The following DNM3 variants were observed in gnomAD, a reference collection of about 807,000 sequenced individuals.
DNM3 encodes dynamin 3.
In DNM3, 47 loss-of-function variants were observed where a neutral mutation model predicts 101.6. The observed-to-expected ratio is 0.46, with a 90% confidence interval of 0.37 to 0.59. The LOEUF (loss-of-function observed/expected upper bound fraction) is 0.59, where lower values mean the gene tolerates loss of function less well. DNM3 is among the 20% of genes least tolerant of loss of function. The pLI, the probability that DNM3 is intolerant of heterozygous loss-of-function variation, is 0.00. For synonymous variants in DNM3, 385 were observed against 387.9 expected (o/e 0.99, Z 0.09); for missense variants, 849 against 1,085.7 (o/e 0.78, Z 3.06).
At chr1:172,386,167 T>C (rs1196163056) in intron 18 of DNM3, among the ~76,000 whole-genome samples, 1 of 152,256 alleles carries the variant, frequency 6.6e-6, no homozygotes, top group Non-Finnish European at 1.5e-5. Context: ...ATTCTCACAT[T>C]CACTTCTTTT....
At chr1:171,908,298 G>C (rs1284816909) in intron 1 of DNM3, among the ~76,000 whole-genome samples, 1 of 147,994 alleles carries the variant, frequency 6.8e-6, no homozygotes, top group Non-Finnish European at 1.5e-5. Flanking sequence ...TGATTGAAAA[G>C]TCACTTATAC....
At chr1:172,176,367 C>A (rs2059154448) in intron 14 of DNM3, among the ~76,000 whole-genome samples, 1 of 151,700 alleles carries the variant, frequency 6.6e-6, no homozygotes, top group Non-Finnish European at 1.5e-5. Context: ...CTCTGCTGAC[C>A]CATTTTAGAC....
chr1:171,986,607 A>G (rs2045273393), intron 2 of DNM3, among the ~76,000 whole-genome samples: 1 of 150,978 alleles, frequency 6.6e-6, no homozygotes. Flanking sequence ...AATGGTAGTA[A>G]AGCTACCAAT....
At chr1:172,135,152 A>G (rs1572659911) in intron 14 of DNM3, among the ~76,000 whole-genome samples, 2 of 152,118 alleles carry the variant, frequency 1.3e-5, no homozygotes, top group Non-Finnish European at 2.9e-5. Flanking sequence ...AACGGATTTA[A>G]GAGATGTTTT....
chr1:171,915,057 G>T (rs1159795884), intron 1 of DNM3, among the ~76,000 whole-genome samples: 2 of 152,162 alleles, frequency 1.3e-5, no homozygotes, highest in Non-Finnish European at 2.9e-5. Flanking sequence ...AGAGGACAAG[G>T]CTTTATTTCT....
chr1:172,016,456 G>A (rs1054344284), intron 4 of DNM3, among the ~76,000 whole-genome samples: 2 of 152,160 alleles, frequency 1.3e-5, no homozygotes, highest in Non-Finnish European at 2.9e-5. Context: ...AACTGGCCCA[G>A]TATTTCTATA....
intron 1 of DNM3, among the ~76,000 whole-genome samples, chr1:171,904,741 G>C (rs1199117147): frequency 6.6e-6 from 1 of 152,158 alleles, no homozygotes; most frequent in East Asian, 1.9e-4. Context: ...GGCTATGTGG[G>C]TGTTGGGGAT....
intron 4 of DNM3, among the ~76,000 whole-genome samples, chr1:172,026,659 CTT>C (rs565331702): frequency 2.1e-5 from 3 of 143,402 alleles, no homozygotes; most frequent in Admixed American, 7.0e-5. Flanking sequence ...ATTCAACATG[CTT>C]TTTTTTTTTT....
chr1:172,250,551 A>G (rs2062128593), intron 14 of DNM3, among the ~76,000 whole-genome samples: 1 of 152,182 alleles, frequency 6.6e-6, no homozygotes. Context: ...GGAAGGCAAG[A>G]GACTAGATAG....
At position 172,411,426 on chromosome 1, in the gene DNM3, G is replaced by T. The variant is rs1439227687; in HGVS notation, c.*3585G>T. ...TTTTCGGTAAGAAGTAAAACCTCTG[G>T]AGACCTATCTTTAAGATCTCTAATT... is the stretch of plus-strand genomic sequence containing the variant. On this transcript the variant is annotated 3_prime_UTR_variant, in exon 21 of 21. Coordinates refer to ENST00000627582, the MANE Select transcript of DNM3 (RefSeq NM_015569.5). 1.0e-6 allele frequency: 1 copy of T among 984,646 alleles called. No individual in the cohort carries two copies. The highest frequency in any genetic ancestry group is 1.8e-5 in the African/African-American group (1 of 57,098). The allele number at this position is 984,646 out of a possible 1,614,324, so 61.0% of individuals were successfully genotyped here.
intron 14 of DNM3, among the ~76,000 whole-genome samples, chr1:172,190,982 T>G (rs1188242812): frequency 2.6e-5 from 4 of 152,180 alleles, no homozygotes; most frequent in African/African-American, 9.7e-5. Flanking sequence ...TTCACTCTGA[T>G]GGTAGTTTCT....
At chr1:171,907,611 C>T (rs373615673) in intron 1 of DNM3, among the ~76,000 whole-genome samples, 11 of 152,220 alleles carry the variant, frequency 7.2e-5, no homozygotes, top group South Asian at 4.1e-4. Flanking sequence ...GGTGATCTGG[C>T]GCCCCTTTCT....
At chr1:172,303,988 C>G (rs2064620370) in intron 15 of DNM3, among the ~76,000 whole-genome samples, 1 of 151,702 alleles carries the variant, frequency 6.6e-6, no homozygotes, top group African/African-American at 2.4e-5. Context: ...GCAAAATAAC[C>G]AGCTAACATC....
At chr1:172,132,443 A>G (rs1300715486) in intron 14 of DNM3, among the ~76,000 whole-genome samples, 1 of 152,146 alleles carries the variant, frequency 6.6e-6, no homozygotes, top group Non-Finnish European at 1.5e-5. Flanking sequence ...CTGTGATAGT[A>G]TGAGGGTTAG....
intron 15 of DNM3, among the ~76,000 whole-genome samples, chr1:172,261,706 G>A (rs1413895434): frequency 2.0e-5 from 3 of 152,244 alleles, no homozygotes; most frequent in Admixed American, 2.0e-4. Flanking sequence ...GTCCACCCCT[G>A]TGGTAGCAGT....
Position 171,883,416 on chromosome 1 carries a change from C to T in DNM3, c.162-38332C>T, listed in dbSNP as rs534528705. 7.4e-3 allele frequency among the ~76,000 whole-genome samples: 358 copies of T among 48,266 alleles called. 1 individual carries two copies. Among genetic ancestry groups the T allele is most frequent in the African/African-American group, 0.026 (328 of 12,832 alleles). The allele number at this position is 48,266 out of a possible 152,430, so 31.7% of individuals were successfully genotyped here. A position where few individuals can be genotyped will look rare whatever the true frequency, so the allele number is the denominator to read the frequency against. ...ACACACACACACACACACACACACC[C>T]TGTCAGAATGAATACCATCAATCTA... On this transcript the variant is annotated intron_variant, in intron 1 of 20. Coordinates refer to ENST00000627582, the MANE Select transcript of DNM3 (RefSeq NM_015569.5).
intron 14 of DNM3, among the ~76,000 whole-genome samples, chr1:172,132,473 C>A (rs1277024709): frequency 6.6e-6 from 1 of 152,142 alleles, no homozygotes; most frequent in Non-Finnish European, 1.5e-5. Flanking sequence ...CTTTCCTGTG[C>A]TGGCTGCTTA....
chr1:171,997,347 T>C (rs1030552811), intron 4 of DNM3, among the ~76,000 whole-genome samples: 6 of 152,132 alleles, frequency 3.9e-5, no homozygotes, highest in Non-Finnish European at 8.8e-5. Context: ...AGATTAACTA[T>C]AGGTGAAAGA....
chr1:172,354,856 G>T (rs1024965169), intron 17 of DNM3, among the ~76,000 whole-genome samples: 1 of 152,010 alleles, frequency 6.6e-6, no homozygotes, highest in Non-Finnish European at 1.5e-5. Context: ...GAAAAAATTG[G>T]GGAATTGGAA....
Sources: gnomAD v4.1 joint callset for allele counts (sites outside exome capture counted in the v4.1 genomes callset) on GRCh38, gnomAD v4.1.1 for gene constraint, MANE v1.5 for transcripts, NCBI Gene and HGNC (gene_info 2026-07-23, HGNC 2026-07-21) for gene names.